The following NCS1 variants were observed in gnomAD, a reference collection of about 807,000 sequenced individuals.
NCS1 encodes the protein frequenin homolog.
Under a neutral mutation model 28.4 loss-of-function variants are expected in NCS1, and 6 were observed. That is an observed-to-expected ratio of 0.21 (90% confidence interval 0.12 to 0.42). The LOEUF (loss-of-function observed/expected upper bound fraction) is 0.42, where lower values mean the gene tolerates loss of function less well. NCS1 is among the 10% of genes least tolerant of loss of function. The pLI, the probability that NCS1 is intolerant of heterozygous loss-of-function variation, is 1.00. For missense variants in NCS1, 131 were observed against 241.4 expected, an observed-to-expected ratio of 0.54 and a Z score of 3.03; for synonymous variants, 86 against 99.3, an observed-to-expected ratio of 0.87 and a Z score of 0.79.
intron 7 of NCS1, among the ~76,000 whole-genome samples, chr9:130,227,131 A>G (rs1228853457): frequency 6.6e-6 from 1 of 152,016 alleles, no homozygotes; most frequent in East Asian, 1.9e-4. Context: ...TGGGAGAGCA[A>G]TTTCTTATCC....
At chr9:130,182,615 C>T (rs541661508) in intron 1 of NCS1, among the ~76,000 whole-genome samples, 2 of 152,340 alleles carry the variant, frequency 1.3e-5, no homozygotes, top group South Asian at 2.1e-4. Context: ...GCAGCTGTGC[C>T]CTGGCCTCAA....
intron 4 of NCS1, among the ~76,000 whole-genome samples, chr9:130,221,403 TATATATATATAGAGAGAG>T (rs1380797623): frequency 0.019 from 782 of 42,192 alleles, 8 homozygotes; most frequent in African/African-American, 0.06. Context: ...TATATATATA[TATATATATATAGAGAGAG>T]AGAGAGAGAG....
intron 2 of NCS1, among the ~76,000 whole-genome samples, chr9:130,202,317 TG>T (rs1554907539): frequency 6.6e-6 from 1 of 152,088 alleles, no homozygotes; most frequent in Non-Finnish European, 1.5e-5. Flanking sequence ...CTGCTCCCTC[TG>T]CCTGCTGGGC....
intron 1 of NCS1, among the ~76,000 whole-genome samples, chr9:130,196,326 C>T (rs555101555): frequency 5.9e-5 from 9 of 152,308 alleles, no homozygotes; most frequent in African/African-American, 1.7e-4. Context: ...TCTGTGTCCT[C>T]GAGTCCCCGG....
rs1157396143 is a variant in NCS1 at position 130,226,373 on chromosome 9, C to G, written c.475-16C>G. 14 of 1,611,422 alleles carry G rather than the reference C, an allele frequency of 8.7e-6. No homozygotes were observed. In the East Asian group the frequency reaches 1.6e-4, roughly 18 times the overall value. Reference sequence around the variant, plus strand: ...TGGGAGGCCCTGCACCCTCAGCCGCCTCTCTCTGCTCACAGAATGCCGACG... The same window carrying G: ...TGGGAGGCCCTGCACCCTCAGCCGCGTCTCTCTGCTCACAGAATGCCGACG... On this transcript the variant is annotated splice_polypyrimidine_tract_variant and intron_variant, in intron 6 of 7. Coordinates refer to ENST00000372398, the MANE Select transcript of NCS1 (RefSeq NM_014286.4). The surrounding 1 kb of genome is among the most constrained non-coding windows in gnomAD (Gnocchi z 4.8).
intron 1 of NCS1, among the ~76,000 whole-genome samples, chr9:130,197,243 G>T (rs1474233567): frequency 6.6e-6 from 1 of 152,202 alleles, no homozygotes; most frequent in African/African-American, 2.4e-5. Flanking sequence ...TATTAGAAAA[G>T]ATATGACCAG....
chr9:130,221,441 G>GAGAGAGAGAGAGAA (rs1833299909), intron 4 of NCS1, among the ~76,000 whole-genome samples: 1 of 135,412 alleles, frequency 7.4e-6, no homozygotes, highest in Non-Finnish European at 1.6e-5. Context: ...GAGAGAGAGA[G>GAGAGAGAGAGAGAA]AGAGAGAGAG....
chr9:130,222,395 T>C (rs1408975559), intron 4 of NCS1, among the ~76,000 whole-genome samples: 2 of 152,096 alleles, frequency 1.3e-5, no homozygotes, highest in Non-Finnish European at 2.9e-5. Flanking sequence ...TCAAGCAGTC[T>C]GCTCACCTCA....
At chr9:130,208,092 A>G (rs1201792999) in intron 2 of NCS1, among the ~76,000 whole-genome samples, 2 of 151,754 alleles carry the variant, frequency 1.3e-5, no homozygotes, top group Non-Finnish European at 2.9e-5. Context: ...CTGGAAAGTG[A>G]TGAGGGCATT....
chr9:130,227,882 T>G (rs1362182876), intron 7 of NCS1, among the ~76,000 whole-genome samples: 1 of 152,222 alleles, frequency 6.6e-6, no homozygotes, highest in African/African-American at 2.4e-5. Flanking sequence ...GATTTAGCAG[T>G]GCAAGTTCCC....
At chr9:130,200,321 A>G (rs1209545602) in intron 1 of NCS1, 4 of 524,312 alleles carry the variant, frequency 7.6e-6, no homozygotes, top group Non-Finnish European at 1.4e-5. Flanking sequence ...TTCATGGCTC[A>G]GTAAAGAATG....
intron 1 of NCS1, among the ~76,000 whole-genome samples, chr9:130,189,299 G>A (rs1832783555): frequency 6.6e-6 from 1 of 152,126 alleles, no homozygotes; most frequent in Non-Finnish European, 1.5e-5. Flanking sequence ...CTGAGGCTCA[G>A]AGAGGTGAAT....
At chr9:130,206,046 C>T (rs1020061259) in intron 2 of NCS1, among the ~76,000 whole-genome samples, 24 of 152,140 alleles carry the variant, frequency 1.6e-4, no homozygotes, top group African/African-American at 4.1e-4. Flanking sequence ...CCCCTCAGGG[C>T]GACGCTAGAC....
At chr9:130,188,274 G>T (rs150961778) in intron 1 of NCS1, among the ~76,000 whole-genome samples, 8 of 152,320 alleles carry the variant, frequency 5.3e-5, no homozygotes, top group African/African-American at 1.9e-4. Flanking sequence ...TGGCCTCTGA[G>T]GCTTGGACCT....
intron 2 of NCS1, among the ~76,000 whole-genome samples, chr9:130,203,203 C>G (rs1832981458): frequency 6.6e-6 from 1 of 150,924 alleles, no homozygotes; most frequent in South Asian, 2.1e-4. Flanking sequence ...ACAGTGGTGC[C>G]ATCTCAGCTC....
chr9:130,183,223 G>C (rs1004242126), intron 1 of NCS1, among the ~76,000 whole-genome samples: 1 of 152,170 alleles, frequency 6.6e-6, no homozygotes. Flanking sequence ...GCCCCTCTCA[G>C]GGCCGCAGTC....
At position 130,177,215 on chromosome 9, in the gene NCS1, G is replaced by A. The variant is rs1208909240; in HGVS notation, c.64+4488G>A. ...CCCTGGCTCCAGGTTGGGGTCAGCA[G>A]TTGGGTTCTTGGGTGTCTCTGGTTG... On this transcript the variant is annotated intron_variant, in intron 1 of 7. Coordinates refer to ENST00000372398, the MANE Select transcript of NCS1 (RefSeq NM_014286.4). The surrounding 1 kb of genome is among the most constrained non-coding windows in gnomAD (Gnocchi z 4.4). 6.6e-6 allele frequency among the ~76,000 whole-genome samples: 1 copy of A among 152,224 alleles called. No individual in the cohort carries two copies. Among genetic ancestry groups the A allele is most frequent in the Non-Finnish European group, 1.5e-5 (1 of 68,030 alleles).
intron 2 of NCS1, among the ~76,000 whole-genome samples, chr9:130,203,143 T>G (rs1246246173): frequency 8.6e-5 from 13 of 150,356 alleles, no homozygotes; most frequent in African/African-American, 3.2e-4. Context: ...TATATTTTTT[T>G]TTTTTTTTCT....
intron 1 of NCS1, among the ~76,000 whole-genome samples, chr9:130,184,523 A>G (rs1554905454): frequency 6.6e-6 from 1 of 152,244 alleles, no homozygotes; most frequent in Non-Finnish European, 1.5e-5. Flanking sequence ...GCCTTCACCT[A>G]TAAAACAGGA....
Sources: gnomAD v4.1 joint callset for allele counts (sites outside exome capture counted in the v4.1 genomes callset) on GRCh38, gnomAD v4.1.1 for gene constraint, Gnocchi (gnomAD v3.1) non-coding constraint, MANE v1.5 for transcripts, NCBI Gene and HGNC (gene_info 2026-07-23, HGNC 2026-07-21) for gene names.